The following NCKAP5 variants were observed in gnomAD, a reference collection of about 807,000 sequenced individuals.
NCKAP5 encodes nck-associated protein 5.
Under a neutral mutation model 167.0 loss-of-function variants are expected in NCKAP5, and 92 were observed. The ratio of observed to expected loss-of-function variants is 0.55; its 90% confidence interval spans 0.47 to 0.66. The LOEUF (loss-of-function observed/expected upper bound fraction) is 0.66. Among genes scored for constraint, NCKAP5 ranks in the 30% least tolerant of loss-of-function variants. The pLI is 0.00. For missense variants in NCKAP5, 2,378 were observed against 2,315.0 expected (o/e 1.03, Z -0.56); for synonymous variants, 891 against 877.4 (o/e 1.02, Z -0.27).
chr2:132,810,866 G>A (rs1473017191), intron 11 of NCKAP5, among the ~76,000 whole-genome samples: 2 of 152,124 alleles, frequency 1.3e-5, no homozygotes, highest in Non-Finnish European at 2.9e-5. Context: ...CATATTACCA[G>A]GGTTGGTTTT....
intron 19 of NCKAP5, among the ~76,000 whole-genome samples, chr2:132,689,771 T>TTG (rs142866584): frequency 0.028 from 4,206 of 151,472 alleles, 180 homozygotes; most frequent in African/African-American, 0.095. Flanking sequence ...TCTTGCATCC[T>TTG]TGTGTGTGTG....
chr2:132,822,867 C>T (rs1574334041), intron 11 of NCKAP5, among the ~76,000 whole-genome samples: 1 of 152,210 alleles, frequency 6.6e-6, no homozygotes, highest in Non-Finnish European at 1.5e-5. Flanking sequence ...AAAACAATCA[C>T]AACTTCTGGA....
At chr2:133,134,267 C>A (rs377106708) in intron 5 of NCKAP5, among the ~76,000 whole-genome samples, 2 of 152,218 alleles carry the variant, frequency 1.3e-5, no homozygotes, top group East Asian at 1.9e-4. Context: ...CTGTTGATAT[C>A]CACTTCCACA....
intron 16 of NCKAP5, among the ~76,000 whole-genome samples, chr2:132,757,480 T>A (rs1202674082): frequency 6.6e-6 from 1 of 152,176 alleles, no homozygotes; most frequent in East Asian, 1.9e-4. Context: ...CTCTGGCACA[T>A]CCTCTTTGAA....
intron 16 of NCKAP5, among the ~76,000 whole-genome samples, chr2:132,748,385 G>C (rs954000008): frequency 2.0e-5 from 3 of 152,218 alleles, no homozygotes; most frequent in African/African-American, 4.8e-5. Context: ...AGATTGCCAT[G>C]ACCGCCTTCA....
At chr2:132,827,182 C>A (rs1687185858) in intron 11 of NCKAP5, among the ~76,000 whole-genome samples, 1 of 152,212 alleles carries the variant, frequency 6.6e-6, no homozygotes, top group Admixed American at 6.5e-5. Flanking sequence ...GTATGACAGG[C>A]CTGACCTCAC....
intron 8 of NCKAP5, among the ~76,000 whole-genome samples, chr2:132,899,655 A>G (rs1215600998): frequency 6.6e-6 from 1 of 152,234 alleles, no homozygotes; most frequent in East Asian, 1.9e-4. Flanking sequence ...CGGGCAGATC[A>G]CTGGAGGTCA....
At chr2:133,102,209 C>T (rs918380183) in intron 6 of NCKAP5, among the ~76,000 whole-genome samples, 3 of 152,098 alleles carry the variant, frequency 2.0e-5, no homozygotes, top group Non-Finnish European at 4.4e-5. Flanking sequence ...TGCAGTGGCA[C>T]GATCTCGGCT....
At chr2:133,024,410 C>T (rs2078627711) in intron 6 of NCKAP5, among the ~76,000 whole-genome samples, 1 of 152,130 alleles carries the variant, frequency 6.6e-6, no homozygotes, top group Non-Finnish European at 1.5e-5. Flanking sequence ...AAATGTAATA[C>T]TCATTATGCA....
At position 133,555,885 on chromosome 2, in the gene NCKAP5, C is replaced by A. The variant is rs566547501; in HGVS notation, c.-62+3165G>T. Among the ~76,000 whole-genome samples the A allele has an allele frequency of 3.3e-5, 5 of 152,288 alleles. No homozygotes were observed. The South Asian group carries it at 1.0e-3, about 32-fold the overall frequency. On this transcript the variant is annotated intron_variant, in intron 2 of 19. Transcript: ENST00000409261. The stretch of plus-strand genomic sequence containing the variant: ...AATTGGAAAATATCCAAATGCCCAT[C>A]CATAGTAGGAAGACTATATGGTGGC...
intron 6 of NCKAP5, among the ~76,000 whole-genome samples, chr2:133,115,232 C>G (rs952311143): frequency 6.6e-6 from 1 of 152,178 alleles, no homozygotes; most frequent in African/African-American, 2.4e-5. Context: ...ATGAATTGAG[C>G]TGTTTTTGAT....
intron 5 of NCKAP5, among the ~76,000 whole-genome samples, chr2:133,206,895 T>A (rs2085975277): frequency 6.6e-6 from 1 of 152,054 alleles, no homozygotes; most frequent in Non-Finnish European, 1.5e-5. Context: ...AGGACTGAAA[T>A]ACGCCCTGGT....
At position 132,855,459 on chromosome 2, in the gene NCKAP5, C is replaced by A. The variant is rs534574972; in HGVS notation, c.807+5033G>T. Reference sequence around the variant, plus strand: ...TAAATTAGATATCAGGTTTGTAGGGCAGGACTGGAGGCGCCTCCATGGCTG... The same window carrying A: ...TAAATTAGATATCAGGTTTGTAGGGAAGGACTGGAGGCGCCTCCATGGCTG... On this transcript the variant is annotated intron_variant, in intron 11 of 19. Coordinates refer to ENST00000409261, the MANE Select transcript of NCKAP5 (RefSeq NM_207363.3). Among the ~76,000 whole-genome samples the A allele has an allele frequency of 1.2e-4, 18 of 152,326 alleles. No individual in the cohort carries two copies. In the South Asian group the frequency reaches 3.7e-3, roughly 32 times the overall value.
chr2:133,101,048 A>T lies in NCKAP5; in HGVS notation c.341+28930T>A, dbSNP rs899377450. Among the ~76,000 whole-genome samples, 10 of 151,954 alleles carry T rather than the reference A, an allele frequency of 6.6e-5. 3 individuals are homozygous for T. Among genetic ancestry groups the T allele is most frequent in the Admixed American group, 6.5e-4 (10 of 15,270 alleles). ...TTTATGGTTTTAGGTCTAACGTTTA[A>T]ACCTTTAATCCATCTTGAATTGATT... is the stretch of plus-strand genomic sequence containing the variant. On this transcript the variant is annotated intron_variant, in intron 6 of 19. Coordinates refer to ENST00000409261, the MANE Select transcript of NCKAP5 (RefSeq NM_207363.3).
chr2:133,073,717 G>A (rs2080500893), intron 6 of NCKAP5, among the ~76,000 whole-genome samples: 1 of 152,110 alleles, frequency 6.6e-6, no homozygotes, highest in African/African-American at 2.4e-5. Flanking sequence ...ACAAAATGAG[G>A]ACATTTTCAA....
chr2:133,307,606 A>C (rs1680874929), intron 3 of NCKAP5, among the ~76,000 whole-genome samples: 1 of 152,236 alleles, frequency 6.6e-6, no homozygotes, highest in South Asian at 2.1e-4. Context: ...TGCCCATTGA[A>C]ATTAGTTTAT....
chr2:133,092,925 A>G (rs2081234257), intron 6 of NCKAP5, among the ~76,000 whole-genome samples: 1 of 152,214 alleles, frequency 6.6e-6, no homozygotes, highest in Non-Finnish European at 1.5e-5. Flanking sequence ...TAATCTGAGC[A>G]AGGCAGCAGT....
the NCKAP5 span, among the ~76,000 whole-genome samples, chr2:133,621,156 T>C: frequency 6.6e-6 from 1 of 151,958 alleles, no homozygotes; most frequent in East Asian, 1.9e-4. Context: ...ACTAAATGCC[T>C]ACACCAAAAA....
the NCKAP5 span, among the ~76,000 whole-genome samples, chr2:133,657,314 G>A: frequency 6.6e-6 from 1 of 152,326 alleles, no homozygotes; most frequent in South Asian, 2.1e-4. Flanking sequence ...TTCCACATGT[G>A]TGTTGGAGAG....
Sources: gnomAD v4.1 joint callset for allele counts (sites outside exome capture counted in the v4.1 genomes callset) on GRCh38, gnomAD v4.1.1 for gene constraint, MANE v1.5 for transcripts, NCBI Gene and HGNC (gene_info 2026-07-23, HGNC 2026-07-21) for gene names.